The following MED13L variants were observed in gnomAD, a reference collection of about 807,000 sequenced individuals.
MED13L encodes mediator of RNA polymerase II transcription subunit 13-like.
MED13L carries 7 observed loss-of-function variants against 220.9 expected under a neutral mutation model. The ratio of observed to expected loss-of-function variants is 0.03; its 90% CI spans 0.02 to 0.06. MED13L has a LOEUF of 0.06. Ranked by LOEUF, MED13L falls within the 10% of genes least tolerant of loss-of-function variation. The pLI is 1.00. For missense variants in MED13L, 1,965 were observed against 2,760.5 expected, an observed-to-expected ratio of 0.71 and a Z score of 6.46; for synonymous variants, 1,011 against 1,015.2, an observed-to-expected ratio of 1.00 and a Z score of 0.08.
intron 1 of MED13L, among the ~76,000 whole-genome samples, chr12:116,265,955 T>C (rs1872799707): frequency 6.6e-6 from 1 of 152,162 alleles, no homozygotes; most frequent in Admixed American, 6.5e-5. Flanking sequence ...GGCTACAAAG[T>C]ATTATCAGAT....
chr12:116,039,566 A>G (rs1364481195), intron 4 of MED13L, among the ~76,000 whole-genome samples: 1 of 152,110 alleles, frequency 6.6e-6, no homozygotes, highest in African/African-American at 2.4e-5. Flanking sequence ...TCATAATTCT[A>G]AATACACTGA....
intron 4 of MED13L, among the ~76,000 whole-genome samples, chr12:116,068,195 T>C (rs1870097173): frequency 6.6e-6 from 1 of 152,164 alleles, no homozygotes; most frequent in Admixed American, 6.5e-5. Flanking sequence ...GAAAGTTCTA[T>C]GTGCCTGCCG....
At chr12:116,261,069 A>C (rs1210859723) in intron 1 of MED13L, among the ~76,000 whole-genome samples, 2 of 151,894 alleles carry the variant, frequency 1.3e-5, no homozygotes, top group African/African-American at 2.4e-5. Flanking sequence ...TCACACCTCC[A>C]ATCACCACCG....
chr12:116,023,697 A>C (rs1880200132), intron 4 of MED13L, among the ~76,000 whole-genome samples: 1 of 152,194 alleles, frequency 6.6e-6, no homozygotes, highest in East Asian at 1.9e-4. Context: ...TTTTACCAAA[A>C]TATGACATTT....
At chr12:116,145,659 C>CTATT (rs558385895) in intron 2 of MED13L, among the ~76,000 whole-genome samples, 19,714 of 123,374 alleles carry the variant, frequency 0.16, 1,667 homozygotes, top group Middle Eastern at 0.22. Flanking sequence ...ACACTCAACT[C>CTATT]TATTTATTTA....
intron 4 of MED13L, among the ~76,000 whole-genome samples, chr12:116,096,027 T>C (rs557341572): frequency 6.6e-6 from 1 of 152,232 alleles, no homozygotes; most frequent in East Asian, 1.9e-4. Flanking sequence ...TTCTTCACTG[T>C]TTTTAAACTT....
chr12:116,120,211 C>T (rs1011420845), intron 2 of MED13L, among the ~76,000 whole-genome samples: 1 of 151,942 alleles, frequency 6.6e-6, no homozygotes, highest in African/African-American at 2.4e-5. Context: ...GACACCCATG[C>T]TCTTTCCCCT....
chr12:115,989,151 A>G (rs187601938), intron 17 of MED13L, among the ~76,000 whole-genome samples: 28 of 152,296 alleles, frequency 1.8e-4, no homozygotes, highest in Admixed American at 1.6e-3. Flanking sequence ...TAAGAAGCTT[A>G]TATAACTTTC....
At chr12:115,993,903 T>C (rs1001265333) in intron 16 of MED13L, among the ~76,000 whole-genome samples, 2 of 152,074 alleles carry the variant, frequency 1.3e-5, no homozygotes, top group South Asian at 2.1e-4. Flanking sequence ...ATGGCAGACA[T>C]GAAGCAAATG....
At chr12:116,087,046 T>C (rs1263612195) in intron 4 of MED13L, among the ~76,000 whole-genome samples, 5 of 152,318 alleles carry the variant, frequency 3.3e-5, no homozygotes, top group Non-Finnish European at 7.4e-5. Context: ...ATGCAAATTG[T>C]GTATATAAAA....
chr12:116,028,871 CT>C (rs1246875434), intron 4 of MED13L, among the ~76,000 whole-genome samples: 1 of 152,116 alleles, frequency 6.6e-6, no homozygotes, highest in Non-Finnish European at 1.5e-5. Context: ...CCTTAAAAAT[CT>C]CTGTAGTTAA....
At chr12:116,007,305 G>A (rs2137377658) in intron 11 of MED13L, 106 bp downstream of exon 11, 1 of 1,012,516 alleles carries the variant, frequency 9.9e-7, no homozygotes, top group South Asian at 1.3e-5. Context: ...AGAGCAATCA[G>A]GCAAGACTAT....
At chr12:116,145,659 C>CTAGT in intron 2 of MED13L, among the ~76,000 whole-genome samples, 1 of 123,610 alleles carries the variant, frequency 8.1e-6, no homozygotes, top group Admixed American at 8.4e-5. Context: ...ACACTCAACT[C>CTAGT]TATTTATTTA....
chr12:116,266,582 G>A (rs1036850964), intron 1 of MED13L, among the ~76,000 whole-genome samples: 1 of 152,162 alleles, frequency 6.6e-6, no homozygotes, highest in Non-Finnish European at 1.5e-5. Context: ...AGAACACTAA[G>A]CATAAGTTTA....
chr12:116,202,617 A>G (rs1882070997), intron 2 of MED13L, among the ~76,000 whole-genome samples: 1 of 152,198 alleles, frequency 6.6e-6, no homozygotes, highest in Non-Finnish European at 1.5e-5. Context: ...ACCAAGCTGT[A>G]TGACACTGAG....
At chr12:116,129,857 C>T (rs1266988900) in intron 2 of MED13L, among the ~76,000 whole-genome samples, 2 of 149,564 alleles carry the variant, frequency 1.3e-5, no homozygotes, top group Admixed American at 6.7e-5. Context: ...TGTAGTGAGC[C>T]GAGATCGTGC....
chr12:116,170,612 T>G (rs1033160421), intron 2 of MED13L, among the ~76,000 whole-genome samples: 104 of 150,896 alleles, frequency 6.9e-4, no homozygotes, highest in Non-Finnish European at 9.6e-4. Flanking sequence ...TTTTTTGTTT[T>G]TTTTTTTTTT....
intron 2 of MED13L, among the ~76,000 whole-genome samples, chr12:116,160,573 C>T (rs1878779439): frequency 6.8e-6 from 1 of 147,886 alleles, no homozygotes. Flanking sequence ...GGACTGGATC[C>T]AAACTTTAAT....
rs562560763 is a variant in MED13L, at chr12:115,999,853, G to A, written c.2570-2623C>T. Among the ~76,000 whole-genome samples the A allele has an allele frequency of 2.0e-5, 3 of 152,250 alleles. No individual in the cohort carries two copies. The East Asian group carries it at 5.8e-4, about 29-fold the overall frequency. The stretch of plus-strand genomic sequence containing the variant: ...CTGTTAATTTTAGCAAAGGTAAACA[G>A]AGAACACACAAAAAAGCAGGGATGA... On this transcript the variant is annotated intron_variant, in intron 14 of 30. Coordinates refer to ENST00000281928, the MANE Select transcript of MED13L (RefSeq NM_015335.5).
Sources: gnomAD v4.1 joint callset for allele counts (sites outside exome capture counted in the v4.1 genomes callset) on GRCh38, gnomAD v4.1.1 for gene constraint, MANE v1.5 for transcripts, NCBI Gene and HGNC (gene_info 2026-07-23, HGNC 2026-07-21) for gene names.